Variants in CAPN9 observed in about 807,000 individuals in gnomAD.
The protein encoded by CAPN9 is calpain 9, also known as calpain-9.
A neutral mutation model predicts 92.8 loss-of-function variants in CAPN9; 81 were observed. The observed-to-expected ratio is 0.87, with a 90% CI of 0.73 to 1.05. The LOEUF is 1.05. CAPN9 is among the 50% of genes least tolerant of loss of function. The pLI is 0.00. For missense variants in CAPN9, 848 were observed against 866.2 expected, an observed-to-expected ratio of 0.98 and a Z score of 0.26; for synonymous variants, 304 against 328.0, an observed-to-expected ratio of 0.93 and a Z score of 0.79.
At chr1:230,793,777 T>C (rs1467215738) in intron 17 of CAPN9, among the ~76,000 whole-genome samples, 1 of 152,168 alleles carries the variant, frequency 6.6e-6, no homozygotes, top group Admixed American at 6.5e-5. Flanking sequence ...TCAGATGATT[T>C]ATAAATGAGC....
chr1:230,792,974 C>T lies in CAPN9; in HGVS notation c.1870+46C>T, dbSNP rs1668111993. ...CAGGTGGCTGACTGCATGCCAGGTA[C>T]TGCCTGTGGGCAACCTGAGCAGATG... On this transcript the variant is annotated intron_variant, in intron 17 of 19. Coordinates refer to ENST00000271971, the MANE Select transcript of CAPN9 (RefSeq NM_006615.3). The T allele has an allele frequency of 2.7e-6, 4 of 1,467,090 alleles. No homozygotes were observed. The South Asian group carries it at 4.5e-5, about 17-fold the overall frequency. The allele number at this position is 1,467,090 out of a possible 1,614,324, so 90.9% of individuals were successfully genotyped here.
At chr1:230,780,772 C>T in intron 11 of CAPN9, 64 bp downstream of exon 11, 1 of 1,328,848 alleles carries the variant, frequency 7.5e-7, no homozygotes, top group Non-Finnish European at 1.1e-6. Context: ...ACAGAAGTCA[C>T]CTGGGAACTG....
intron 7 of CAPN9, among the ~76,000 whole-genome samples, chr1:230,772,662 A>T (rs1346578925): frequency 6.6e-6 from 1 of 151,586 alleles, no homozygotes; most frequent in Non-Finnish European, 1.5e-5. Flanking sequence ...GGATCACTTG[A>T]GTATGAGAGA....
intron 4 of CAPN9, among the ~76,000 whole-genome samples, chr1:230,765,354 A>G (rs1265729449): frequency 6.6e-6 from 1 of 152,122 alleles, no homozygotes; most frequent in East Asian, 1.9e-4. Flanking sequence ...ACAAAGCAGT[A>G]CTGGATTATG....
intron 1 of CAPN9, among the ~76,000 whole-genome samples, chr1:230,754,169 C>A (rs1477818139): frequency 6.6e-6 from 1 of 151,728 alleles, no homozygotes; most frequent in Non-Finnish European, 1.5e-5. Context: ...CACCGCCCTC[C>A]GCGTCCAGGG....
At chr1:230,774,801 G>A (rs1182290919) in intron 8 of CAPN9, among the ~76,000 whole-genome samples, 170 bp downstream of exon 8, 2 of 147,898 alleles carry the variant, frequency 1.4e-5, no homozygotes, top group African/African-American at 5.0e-5. Context: ...GAGTGCAGTG[G>A]TGCGATCTCG....
chr1:230,756,989 GGAGGA>G, intron 2 of CAPN9, among the ~76,000 whole-genome samples: 3 of 44,904 alleles, frequency 6.7e-5, no homozygotes, highest in Admixed American at 2.4e-4. Flanking sequence ...AGGGAGAGAG[GGAGGA>G]AGGGAGGGAG....
At chr1:230,769,702 T>A (rs1666265499) in intron 6 of CAPN9, among the ~76,000 whole-genome samples, 1 of 151,766 alleles carries the variant, frequency 6.6e-6, no homozygotes, top group South Asian at 2.1e-4. Context: ...AGTTGACCCT[T>A]GAGCAACACA....
At position 230,767,576 on chromosome 1, in the gene CAPN9, G is replaced by A; in HGVS notation, c.572G>A (p.Ser191Asn). 6.2e-7 allele frequency: 1 copy of A among 1,613,456 alleles called. No homozygotes were observed. The highest frequency in any genetic ancestry group is 8.5e-7 in the Non-Finnish European group (1 of 1,179,724). Residue 191 changes from serine to asparagine, a missense_variant, in exon 5 of 20, where the codon AGC becomes AAC. Transcript: ENST00000271971. The stretch of plus-strand genomic sequence containing the variant: ...AGCTATGAAGCTCTGAAGGGAGGCA[G>A]CGCCATCGAGGCCATGGAAGACTTC... ...NGSYEALKGG[S>N]AIEAMEDFTG...
intron 1 of CAPN9, among the ~76,000 whole-genome samples, chr1:230,754,238 G>A (rs1178418962): frequency 6.6e-6 from 1 of 152,124 alleles, no homozygotes; most frequent in East Asian, 1.9e-4. Flanking sequence ...TGTCAGGAAT[G>A]GAGCCCAGCA....
intron 13 of CAPN9, among the ~76,000 whole-genome samples, chr1:230,788,750 G>T (rs1033110482): frequency 2.0e-5 from 3 of 152,162 alleles, no homozygotes; most frequent in Non-Finnish European, 4.4e-5. Context: ...GGTGAGGGGG[G>T]AAGGCAGTGG....
intron 17 of CAPN9, among the ~76,000 whole-genome samples, chr1:230,793,294 C>A (rs1257047153): frequency 2.6e-5 from 4 of 152,232 alleles, no homozygotes; most frequent in African/African-American, 9.6e-5. Flanking sequence ...CTTCTCATTT[C>A]TGCTCTCAGA....
At chr1:230,766,579 T>C (rs562766594) in intron 4 of CAPN9, among the ~76,000 whole-genome samples, 1 of 152,242 alleles carries the variant, frequency 6.6e-6, no homozygotes, top group South Asian at 2.1e-4. Context: ...AGCCTAAGGA[T>C]ATGTGAGGAC....
In CAPN9 at chr1:230,747,543, C is replaced by T; in HGVS notation, c.47C>T (p.Pro16Leu). Residue 16 changes from proline (P) to leucine (L), a missense_variant, in exon 1 of 20, where the codon CCC becomes CTC. Pro to Leu is a moderately conservative substitution (Grantham distance 98). Transcript: ENST00000271971. ...CCAGGGCCTCAGGCACACCCGGTTC[C>T]CAAGGACGCCCGGATCACCCACTCC... ...RAPGPQAHPV[P>L]KDARITHSSG... 2 of 1,614,168 alleles carry T rather than the reference C, an allele frequency of 1.2e-6. No homozygotes were observed. Among genetic ancestry groups the T allele is most frequent in the Non-Finnish European group, 1.7e-6 (2 of 1,180,038 alleles).
At position 230,762,734 on chromosome 1, in the gene CAPN9, T is replaced by C. The variant is rs1315705295; in HGVS notation, c.484T>C (p.Ser162Pro). The C allele has an allele frequency of 1.9e-6, 3 of 1,614,036 alleles. No individual in the cohort carries two copies. The highest frequency in any genetic ancestry group is 2.5e-6 in the Non-Finnish European group (3 of 1,180,024). Residue 162 changes from serine to proline, a missense_variant, in exon 4 of 20, where the codon TCT (serine) becomes CCT (proline). Coordinates refer to ENST00000271971, the MANE Select transcript of CAPN9 (RefSeq NM_006615.3). The stretch of plus-strand genomic sequence containing the variant: ...CAGGGACCGCTTGGTTTTCCTCCAC[T>C]CTGCCGACCACAACGAGTTCTGGAG... The part of the protein sequence containing the change: ...TFRDRLVFLH[S>P]ADHNEFWSAL...
chr1:230,776,838 G>A (rs879819492), intron 8 of CAPN9: 12 of 152,148 alleles, frequency 7.9e-5, no homozygotes, highest in South Asian at 2.1e-4. Context: ...AAGTAAATGC[G>A]TCACGGCTCA....
chr1:230,756,219 G>A (rs1467646338), intron 2 of CAPN9, among the ~76,000 whole-genome samples: 6 of 152,090 alleles, frequency 3.9e-5, no homozygotes, highest in Admixed American at 6.6e-5. Context: ...GAACCTCCAT[G>A]CTGAGCAACT....
chr1:230,762,730 C>T lies in CAPN9; in HGVS notation c.480C>T (p.Leu160=). 6.2e-7 allele frequency: 1 copy of T among 1,614,172 alleles called. No homozygotes were observed. Among genetic ancestry groups the T allele is most frequent in the East Asian group, 2.2e-5 (1 of 44,884 alleles). The change falls in exon 4 of 20, where the codon CTC becomes CTT. Residue 160 remains leucine (L), a synonymous_variant. Coordinates refer to ENST00000271971, the MANE Select transcript of CAPN9 (RefSeq NM_006615.3). ...LPTFRDRLVF[L]HSADHNEFWS... is the part of the protein sequence containing the mutation. ...CCTTCAGGGACCGCTTGGTTTTCCT[C>T]CACTCTGCCGACCACAACGAGTTCT... is the stretch of plus-strand genomic sequence containing the variant.
At chr1:230,766,084 C>CT (rs59596870) in intron 4 of CAPN9, among the ~76,000 whole-genome samples, 63,704 of 151,282 alleles carry the variant, frequency 0.42, 13,961 homozygotes, top group Non-Finnish European at 0.48. Context: ...TAGCCCCACT[C>CT]TTTTTTTTAT....
Sources: gnomAD v4.1 joint callset for allele counts (sites outside exome capture counted in the v4.1 genomes callset) on GRCh38, gnomAD v4.1.1 for gene constraint, MANE v1.5 for transcripts, NCBI Gene and HGNC (gene_info 2026-07-23, HGNC 2026-07-21) for gene names.